Variants in UNC5D observed in about 807,000 individuals in gnomAD.
UNC5D encodes the protein unc-5 netrin receptor D.
Under a neutral mutation model 105.4 loss-of-function variants are expected in UNC5D, and 39 were observed. That is an observed-to-expected ratio of 0.37 (90% confidence interval 0.29 to 0.48). The LOEUF (loss-of-function observed/expected upper bound fraction) is 0.48, where lower values mean the gene tolerates loss of function less well. Among genes scored for constraint, UNC5D ranks in the 20% least tolerant of loss-of-function variants. UNC5D has a pLI of 0.98. For synonymous variants in UNC5D, 452 were observed against 450.4 expected (o/e 1.00, Z -0.04); for missense variants, 991 against 1,202.4 (o/e 0.82, Z 2.60).
rs752762021 is a variant in UNC5D, at chr8:35,774,439, G to A, written c.2619G>A (p.Lys873=). 2.9e-5 allele frequency: 47 copies of A among 1,613,988 alleles called. No individual in the cohort carries two copies. The African/African-American group carries it at 5.3e-4, about 18-fold the overall frequency. Residue 873 remains lysine, a synonymous_variant, in exon 16 of 17, where the codon AAG becomes AAA. Transcript: ENST00000404895. ...ATFDTPNAKG[K]DWQMLAQKNS... ...TTGATACCCCCAATGCCAAAGGCAA[G>A]GACTGGCAGATGTTAGCACAGAAAA...
chr8:35,585,220 A>G (rs1212442670), intron 3 of UNC5D, among the ~76,000 whole-genome samples: 1 of 152,184 alleles, frequency 6.6e-6, no homozygotes, highest in East Asian at 1.9e-4. Flanking sequence ...GGGATTACAG[A>G]GCACAAGGGA....
intron 1 of UNC5D, among the ~76,000 whole-genome samples, chr8:35,395,943 T>C (rs527292085): frequency 1.3e-5 from 2 of 152,330 alleles, no homozygotes; most frequent in African/African-American, 4.8e-5. Context: ...AAAATACTTT[T>C]ATCAGCAATG....
intron 1 of UNC5D, among the ~76,000 whole-genome samples, chr8:35,353,300 T>C (rs1487597149): frequency 5.3e-5 from 8 of 152,118 alleles, no homozygotes; most frequent in Non-Finnish European, 1.5e-5. Flanking sequence ...ATAAATGACA[T>C]TTACAATTGT....
chr8:35,469,069 C>G (rs1809520413), intron 1 of UNC5D, among the ~76,000 whole-genome samples: 1 of 152,172 alleles, frequency 6.6e-6, no homozygotes, highest in Admixed American at 6.5e-5. Flanking sequence ...TTGCACCTTC[C>G]TCACTAACAG....
At chr8:35,425,874 T>C (rs1357458842) in intron 1 of UNC5D, among the ~76,000 whole-genome samples, 1 of 152,180 alleles carries the variant, frequency 6.6e-6, no homozygotes, top group Non-Finnish European at 1.5e-5. Flanking sequence ...ATATAATATA[T>C]AGTGATCAGA....
At chr8:35,329,201 A>G (rs1371900327) in intron 1 of UNC5D, among the ~76,000 whole-genome samples, 1 of 152,104 alleles carries the variant, frequency 6.6e-6, no homozygotes, top group Non-Finnish European at 1.5e-5. Context: ...AACATGCTCA[A>G]AGTCAACCAA....
intron 1 of UNC5D, among the ~76,000 whole-genome samples, chr8:35,412,148 G>C (rs1336588841): frequency 1.3e-5 from 2 of 152,042 alleles, no homozygotes; most frequent in African/African-American, 4.8e-5. Flanking sequence ...ATCTTCAGTA[G>C]AATTGCTTCC....
intron 1 of UNC5D, among the ~76,000 whole-genome samples, chr8:35,486,319 A>G (rs1810820526): frequency 6.6e-6 from 1 of 152,184 alleles, no homozygotes; most frequent in African/African-American, 2.4e-5. Flanking sequence ...AATGGGATCC[A>G]TCCTCTAAGC....
intron 1 of UNC5D, among the ~76,000 whole-genome samples, chr8:35,377,034 G>A (rs1312462719): frequency 2.6e-5 from 4 of 152,048 alleles, no homozygotes; most frequent in African/African-American, 4.8e-5. Context: ...TTTAATTTAC[G>A]TATGTGTTGT....
chr8:35,618,133 A>G (rs1253056013), intron 4 of UNC5D, among the ~76,000 whole-genome samples: 1 of 152,180 alleles, frequency 6.6e-6, no homozygotes, highest in Non-Finnish European at 1.5e-5. Context: ...CTGCAGGGAA[A>G]CAAAAAACAG....
Position 35,283,674 on chromosome 8 carries a change from C to T in UNC5D, c.103+47787C>T, listed in dbSNP as rs561160141. Among the ~76,000 whole-genome samples the T allele has an allele frequency of 2.0e-5, 3 of 152,126 alleles. No individual in the cohort carries two copies. In the South Asian group the frequency reaches 6.2e-4, roughly 32 times the overall value. On this transcript the variant is annotated intron_variant, in intron 1 of 16. Coordinates refer to ENST00000404895, the MANE Select transcript of UNC5D (RefSeq NM_080872.4). ...CAAAAATTAGCTGGGCATGGTGGCA[C>T]ACACCTGTAATCCCAGCTACTTGGG...
At chr8:35,677,892 G>GTGTGTGTGTGTGTGTA (rs1825366046) in intron 4 of UNC5D, among the ~76,000 whole-genome samples, 1 of 46,210 alleles carries the variant, frequency 2.2e-5, no homozygotes, top group Non-Finnish European at 8.0e-5. Flanking sequence ...GTGAGTGTCT[G>GTGTGTGTGTGTGTGTA]TGTGTGTGTG....
chr8:35,637,432 T>G (rs1272071404), intron 4 of UNC5D, among the ~76,000 whole-genome samples: 2 of 152,168 alleles, frequency 1.3e-5, no homozygotes, highest in Admixed American at 6.5e-5. Context: ...CCGAAGTACT[T>G]GTGGTGTAGC....
intron 1 of UNC5D, among the ~76,000 whole-genome samples, chr8:35,416,688 A>G (rs1805553651): frequency 1.3e-5 from 2 of 152,092 alleles, no homozygotes. Flanking sequence ...GTAACTGTTG[A>G]GATTTTCCAA....
At chr8:35,587,962 A>AACT (rs1818894511) in intron 3 of UNC5D, among the ~76,000 whole-genome samples, 1 of 77,596 alleles carries the variant, frequency 1.3e-5, no homozygotes, top group Non-Finnish European at 2.6e-5. Flanking sequence ...CTATAACTAT[A>AACT]ATAATATATA....
chr8:35,780,043 G>A (rs1377869389), intron 16 of UNC5D, among the ~76,000 whole-genome samples: 1 of 152,114 alleles, frequency 6.6e-6, no homozygotes, highest in East Asian at 1.9e-4. Context: ...ATGAGATATG[G>A]GCAGATGAGT....
At chr8:35,359,769 T>C (rs1316873775) in intron 1 of UNC5D, among the ~76,000 whole-genome samples, 8 of 152,190 alleles carry the variant, frequency 5.3e-5, no homozygotes, top group Non-Finnish European at 1.0e-4. Context: ...GGATTCAAAA[T>C]TTTAGTGTCT....
chr8:35,650,977 T>C (rs1646546235), intron 4 of UNC5D, among the ~76,000 whole-genome samples: 3 of 152,204 alleles, frequency 2.0e-5, no homozygotes, highest in Admixed American at 2.0e-4. Flanking sequence ...GACAGATGTT[T>C]GGATCTGTGG....
At chr8:35,428,509 A>C (rs1334588358) in intron 1 of UNC5D, among the ~76,000 whole-genome samples, 1 of 151,876 alleles carries the variant, frequency 6.6e-6, no homozygotes, top group Non-Finnish European at 1.5e-5. Flanking sequence ...TTGCAGAATA[A>C]ATGGATTGTG....
Sources: gnomAD v4.1 joint callset for allele counts (sites outside exome capture counted in the v4.1 genomes callset) on GRCh38, gnomAD v4.1.1 for gene constraint, MANE v1.5 for transcripts, NCBI Gene and HGNC (gene_info 2026-07-23, HGNC 2026-07-21) for gene names.